The following REL variants were observed in gnomAD, a reference collection of about 807,000 sequenced individuals.
REL encodes REL proto-oncogene, NF-kB subunit.
Under a neutral mutation model 45.9 loss-of-function variants are expected in REL, and 15 were observed. The ratio of observed to expected loss-of-function variants is 0.33; its 90% CI spans 0.22 to 0.50. REL has a LOEUF of 0.50. Among genes scored for constraint, REL ranks in the 20% least tolerant of loss-of-function variants. The probability of loss-of-function intolerance (pLI) is 0.98; values close to 1 mark genes in which losing one functional copy is unlikely to be tolerated. For missense variants in REL, 601 were observed against 715.2 expected, an observed-to-expected ratio of 0.84 and a Z score of 1.82; for synonymous variants, 239 against 242.1, an observed-to-expected ratio of 0.99 and a Z score of 0.12.
In REL at chr2:60,929,322, T is replaced by C. The variant is rs1674337399; in HGVS notation, c.*6787T>C. 7.1e-6 allele frequency: 1 copy of C among 141,188 alleles called. No homozygotes were observed. Among genetic ancestry groups the C allele is most frequent in the African/African-American group, 2.7e-5 (1 of 37,232 alleles). The allele number at this position is 141,188 out of a possible 1,614,324, so 8.7% of individuals were successfully genotyped here. A position where few individuals can be genotyped will look rare whatever the true frequency, so the allele number is the denominator to read the frequency against. On this transcript the variant is annotated 3_prime_UTR_variant, in exon 10 of 10. Coordinates refer to ENST00000394479, the MANE Select transcript of REL (RefSeq NM_001291746.2). The stretch of plus-strand genomic sequence containing the variant: ...TTGACCCAGCCATCCCATTACTGGG[T>C]ATATACCCAAAGGACTATAAATCAT...
intron 4 of REL, among the ~76,000 whole-genome samples, chr2:60,904,751 G>C (rs1673595483): frequency 6.6e-6 from 1 of 151,746 alleles, no homozygotes; most frequent in Admixed American, 6.6e-5. Flanking sequence ...TTAACCAGAT[G>C]CAGGGGTGCA....
chr2:60,910,739 T>C lies in REL; in HGVS notation c.395-6138T>C, dbSNP rs190825886. 3.3e-3 allele frequency among the ~76,000 whole-genome samples: 500 copies of C among 151,948 alleles called. 6 individuals carry two copies. The highest frequency in any genetic ancestry group is 0.012 in the African/African-American group (479 of 41,434). On this transcript the variant is annotated intron_variant, in intron 4 of 9. Transcript: ENST00000394479. ...TTGAGGTCAGGAGTTCCAGACCACC[T>C]TGGCCAACATGGTGAAACCCCGTCT...
intron 4 of REL, among the ~76,000 whole-genome samples, chr2:60,916,128 C>G (rs1319438943): frequency 6.6e-6 from 1 of 152,136 alleles, no homozygotes. Flanking sequence ...ACAGTCAGTT[C>G]CAGGCCAGGC....
intron 2 of REL, among the ~76,000 whole-genome samples, chr2:60,892,050 T>C (rs949687230): frequency 6.6e-6 from 1 of 152,288 alleles, no homozygotes; most frequent in African/African-American, 2.4e-5. Flanking sequence ...CAGATAGTTC[T>C]ATGGTGCTTG....
At position 60,922,245 on chromosome 2, in the gene REL, T is replaced by G. The variant is rs1223642674; in HGVS notation, c.1474T>G (p.Cys492Gly). Residue 492 changes from cysteine to glycine, a missense_variant, in exon 10 of 10, where the codon TGT (cysteine) becomes GGT (glycine). Coordinates refer to ENST00000394479, the MANE Select transcript of REL (RefSeq NM_001291746.2). The stretch of plus-strand genomic sequence containing the variant: ...GAGCATGAATCTTGAAAACCCCTCA[T>G]GTAATTCAGTGTTAGACCCAAGAGA... ...LLSMNLENPS[C>G]NSVLDPRDLR... 2.5e-6 allele frequency: 4 copies of G among 1,614,178 alleles called. No individual in the cohort carries two copies. In the Middle Eastern group the frequency reaches 4.9e-4, roughly 200 times the overall value.
intron 1 of REL, among the ~76,000 whole-genome samples, chr2:60,889,988 GGTATTTCTA>G (rs1222739657): frequency 6.6e-6 from 1 of 152,144 alleles, no homozygotes; most frequent in Non-Finnish European, 1.5e-5. Context: ...TGGGTAAAAT[GGTATTTCTA>G]GTTCTAGATC....
intron 4 of REL, among the ~76,000 whole-genome samples, chr2:60,909,175 C>G (rs1351311381): frequency 6.6e-6 from 1 of 152,116 alleles, no homozygotes; most frequent in Non-Finnish European, 1.5e-5. Flanking sequence ...AGATACTCAT[C>G]TCACTAAGGT....
chr2:60,911,044 A>C (rs757168123), intron 4 of REL, among the ~76,000 whole-genome samples: 19 of 152,288 alleles, frequency 1.2e-4, no homozygotes, highest in Middle Eastern at 3.4e-3. Flanking sequence ...GCATTATCCT[A>C]AATAAGAGAA....
chr2:60,911,923 G>A (rs374147287), intron 4 of REL, among the ~76,000 whole-genome samples: 3 of 150,570 alleles, frequency 2.0e-5, no homozygotes, highest in Non-Finnish European at 3.0e-5. Flanking sequence ...ACTTGAACCC[G>A]GGAGGCGGAG....
At chr2:60,885,109 G>A (rs972233238) in intron 1 of REL, among the ~76,000 whole-genome samples, 3 of 152,194 alleles carry the variant, frequency 2.0e-5, no homozygotes, top group Non-Finnish European at 4.4e-5. Context: ...GGAGGAGCCA[G>A]ACAATGAATC....
Position 60,901,013 on chromosome 2 carries a change from A to G in REL, c.324A>G (p.Arg108=). 1 of 1,610,252 alleles carries G rather than the reference A, an allele frequency of 6.2e-7. No individual in the cohort carries two copies. The highest frequency in any genetic ancestry group is 8.5e-7 in the Non-Finnish European group (1 of 1,178,936). ...RPLFFQNLGI[R]CVKKKEVKEA... is the part of the protein sequence containing the mutation. ...CTAGTTTCCAAAATTTGGGTATTCG[A>G]TGTGTGAAGAAAAAAGAAGTAAAAG... Residue 108 remains arginine, a synonymous_variant, in exon 4 of 10, where the codon CGA becomes CGG. Transcript: ENST00000394479.
chr2:60,893,584 T>C (rs578100791), intron 2 of REL, among the ~76,000 whole-genome samples: 23 of 152,334 alleles, frequency 1.5e-4, no homozygotes, highest in South Asian at 2.1e-4. Flanking sequence ...TGCCTACTTA[T>C]AGTCTTGAGC....
chr2:60,919,504 C>A (rs543388866), intron 7 of REL, among the ~76,000 whole-genome samples: 54 of 152,246 alleles, frequency 3.5e-4, no homozygotes, highest in African/African-American at 1.2e-3. Flanking sequence ...TGGCTCACTG[C>A]AGCTTCTGCC....
In REL at chr2:60,894,632, G is replaced by T. The variant is rs1283640703; in HGVS notation, c.302+87G>T. ...CTCCATGACAATCTGTTACTTTTTA[G>T]CAGAATAATTTTCTCATTCTACTTC... On this transcript the variant is annotated intron_variant, in intron 3 of 9. Transcript: ENST00000394479. 6.5e-6 allele frequency: 7 copies of T among 1,082,714 alleles called. No individual in the cohort carries two copies. In the South Asian group the frequency reaches 9.8e-5, roughly 15 times the overall value. The allele number at this position is 1,082,714 out of a possible 1,614,324, so 67.1% of individuals were successfully genotyped here. A position where few individuals can be genotyped will look rare whatever the true frequency, so the allele number is the denominator to read the frequency against.
At chr2:60,914,226 C>T (rs191526440) in intron 4 of REL, among the ~76,000 whole-genome samples, 84 of 152,310 alleles carry the variant, frequency 5.5e-4, no homozygotes, top group African/African-American at 1.9e-3. Flanking sequence ...AGAAAAGAAG[C>T]TTTGAGCTGG....
chr2:60,909,059 A>G (rs1673734726), intron 4 of REL, among the ~76,000 whole-genome samples: 1 of 152,178 alleles, frequency 6.6e-6, no homozygotes, highest in African/African-American at 2.4e-5. Flanking sequence ...TACCCTAGGC[A>G]GAACTTGTGT....
In REL at chr2:60,929,374, A is replaced by G. The variant is rs990330405; in HGVS notation, c.*6839A>G. The G allele has an allele frequency of 7.3e-6, 1 of 137,892 alleles. No individual in the cohort carries two copies. Among genetic ancestry groups the G allele is most frequent in the Non-Finnish European group, 1.6e-5 (1 of 63,360 alleles). The allele number at this position is 137,892 out of a possible 1,614,324, so 8.5% of individuals were successfully genotyped here. On this transcript the variant is annotated 3_prime_UTR_variant, in exon 10 of 10. Transcript: ENST00000394479. ...CTGCTATAAAGACACATGCACACGT[A>G]TGTTTATTGCGGCATTATTCACAAT...
chr2:60,918,486 A>G lies in REL; in HGVS notation c.733A>G (p.Lys245Glu), dbSNP rs550952526. Residue 245 changes from lysine to glutamate, a missense_variant, in exon 7 of 10, where the codon AAA becomes GAA. By Grantham distance (56) the Lys-to-Glu change is moderately conservative. This residue lies in a region of REL where 241 missense variants were observed against 347.0 expected (regional missense o/e 0.69). Transcript: ENST00000394479. ...ACACCGTCAAGTAGCCATTGTTTTCAAAACTCCACCATATTGCAAAGCTAT... is the reference window on the plus strand; with the variant it reads ...ACACCGTCAAGTAGCCATTGTTTTCGAAACTCCACCATATTGCAAAGCTAT... ...DVHRQVAIVFKTPPYCKAITE... is the reference protein window; with the variant it reads ...DVHRQVAIVFETPPYCKAITE... The G allele has an allele frequency of 6.2e-7, 1 of 1,614,070 alleles. No individual in the cohort carries two copies. Among genetic ancestry groups the G allele is most frequent in the East Asian group, 2.2e-5 (1 of 44,876 alleles).
chr2:60,914,771 C>A (rs1192441283), intron 4 of REL, among the ~76,000 whole-genome samples: 1 of 150,484 alleles, frequency 6.6e-6, no homozygotes, highest in African/African-American at 2.4e-5. Context: ...TATCTGGTTT[C>A]TTTTGCTCAA....
Sources: gnomAD v4.1 joint callset for allele counts (sites outside exome capture counted in the v4.1 genomes callset) on GRCh38, gnomAD v4.1.1 for gene constraint, gnomAD v4.1.1 regional missense constraint, MANE v1.5 for transcripts, NCBI Gene and HGNC (gene_info 2026-07-23, HGNC 2026-07-21) for gene names.